The following DIXDC1 variants were observed in gnomAD, a reference collection of about 807,000 sequenced individuals.
DIXDC1 encodes DIX domain containing 1.
Under a neutral mutation model 103.1 loss-of-function variants are expected in DIXDC1, and 64 were observed. The ratio of observed to expected loss-of-function variants is 0.62; its 90% CI spans 0.51 to 0.76. The LOEUF is 0.76. DIXDC1 is among the 30% of genes least tolerant of loss of function. The probability of loss-of-function intolerance (pLI) is 0.00; values close to 1 mark genes in which losing one functional copy is unlikely to be tolerated. For synonymous variants in DIXDC1, 266 were observed against 298.5 expected (o/e 0.89, Z 1.12); for missense variants, 759 against 834.2 (o/e 0.91, Z 1.11).
intron 14 of DIXDC1, among the ~76,000 whole-genome samples, chr11:111,994,563 A>G (rs782633954): frequency 8.6e-5 from 13 of 151,198 alleles, no homozygotes; most frequent in Non-Finnish European, 1.8e-4. Flanking sequence ...GTATATATGT[A>G]TATGTATGTA....
chr11:112,003,291 T>C (rs1455243569), intron 17 of DIXDC1, among the ~76,000 whole-genome samples: 1 of 151,682 alleles, frequency 6.6e-6, no homozygotes, highest in African/African-American at 2.4e-5. Context: ...ACCTTGTCTC[T>C]ACTAAAAATA....
chr11:111,988,957 G>A (rs2137569501), intron 9 of DIXDC1, 48 bp from the exon 10 acceptor site: 1 of 1,560,164 alleles, frequency 6.4e-7, no homozygotes, highest in Non-Finnish European at 8.7e-7. Flanking sequence ...AATGCATTCT[G>A]AAGCAACCCA....
In DIXDC1 at chr11:111,977,689, T is replaced by A; in HGVS notation, c.656+2706T>A. On this transcript the variant is annotated intron_variant, in intron 5 of 19. Transcript: ENST00000440460. The surrounding 1 kb of genome is among the most constrained non-coding windows in gnomAD (Gnocchi z 6.1). ...CAGCCCCAGCGCGGGGAGACATGCCTGAATTTGGGAGCGATGTGACTCTCA... is the reference window on the plus strand; with the variant it reads ...CAGCCCCAGCGCGGGGAGACATGCCAGAATTTGGGAGCGATGTGACTCTCA... 6.5e-7 allele frequency: 1 copy of A among 1,545,496 alleles called. No homozygotes were observed. Among genetic ancestry groups the A allele is most frequent in the Admixed American group, 2.0e-5 (1 of 50,780 alleles).
chr11:111,977,584 C>G lies in DIXDC1; in HGVS notation c.656+2601C>G, dbSNP rs1204031274. On this transcript the variant is annotated intron_variant, in intron 5 of 19. Coordinates refer to ENST00000440460, the MANE Select transcript of DIXDC1 (RefSeq NM_001037954.4). This position sits in a 1 kb window ranked among gnomAD's most constrained non-coding sequence, Gnocchi z 6.1. ...ATCCCAGTCGCTGGGGCCGAGACGC[C>G]GCCGCCGCCGCCGTTCCCGCTTTCT... 6.7e-7 allele frequency: 1 copy of G among 1,500,722 alleles called. No individual in the cohort carries two copies. The highest frequency in any genetic ancestry group is 8.9e-7 in the Non-Finnish European group (1 of 1,124,010). The allele number at this position is 1,500,722 out of a possible 1,614,324, so 93.0% of individuals were successfully genotyped here.
intron 19 of DIXDC1, among the ~76,000 whole-genome samples, chr11:112,018,480 A>G (rs587638301): frequency 6.6e-6 from 1 of 152,374 alleles, no homozygotes; most frequent in Admixed American, 6.5e-5. Flanking sequence ...TTTATTTTGT[A>G]AACATTTCCT....
chr11:111,953,868 T>A (rs1966860256), intron 1 of DIXDC1, among the ~76,000 whole-genome samples: 1 of 152,180 alleles, frequency 6.6e-6, no homozygotes, highest in South Asian at 2.1e-4. Flanking sequence ...GCGTTCTGTA[T>A]CCATGGCTTC....
At chr11:111,928,194 G>C (rs1555167261) in intron 1 of DIXDC1, among the ~76,000 whole-genome samples, 1 of 151,856 alleles carries the variant, frequency 6.6e-6, no homozygotes, top group Non-Finnish European at 1.5e-5. Context: ...AGAAAAGGTG[G>C]GTTGGAGGAC....
Position 111,968,630 on chromosome 11 carries a change from C to T in DIXDC1, c.308C>T (p.Ser103Leu), listed in dbSNP as rs782795876. ...ASKKIRMHQTSAKDIVDGNLK... is the reference protein window; with the variant it reads ...ASKKIRMHQTLAKDIVDGNLK... ...AAAAAGATTCGTATGCACCAGACTT[C>T]GGCTAAAGGTCAGTGCCTCATCACA... is the stretch of plus-strand genomic sequence containing the variant. Residue 103 changes from serine (S) to leucine (L), a missense_variant, in exon 3 of 20, where the codon TCG (serine) becomes TTG (leucine). Ser to Leu is a moderately radical substitution (Grantham distance 145). Coordinates refer to ENST00000440460, the MANE Select transcript of DIXDC1 (RefSeq NM_001037954.4). The T allele has an allele frequency of 1.1e-5, 17 of 1,607,976 alleles. No individual in the cohort carries two copies. The highest frequency in any genetic ancestry group is 5.3e-5 in the African/African-American group (4 of 74,942).
At chr11:111,989,835 C>G (rs1437216898) in intron 10 of DIXDC1, among the ~76,000 whole-genome samples, 1 of 150,268 alleles carries the variant, frequency 6.7e-6, no homozygotes, top group Non-Finnish European at 1.5e-5. Flanking sequence ...GTTGCCCAGG[C>G]TGGAGTGCAG....
At chr11:111,980,707 T>C in intron 5 of DIXDC1, 30 bp from the exon 6 acceptor site, 1 of 1,566,316 alleles carries the variant, frequency 6.4e-7, no homozygotes, top group Non-Finnish European at 8.8e-7. Flanking sequence ...TTCATAATAA[T>C]CGTTTTTCTT....
At chr11:111,973,410 T>C (rs1860000219) in intron 3 of DIXDC1, among the ~76,000 whole-genome samples, 1 of 152,140 alleles carries the variant, frequency 6.6e-6, no homozygotes. Flanking sequence ...TAATAATATT[T>C]CATTTAACTC....
At chr11:112,007,578 A>G (rs1163074017) in intron 17 of DIXDC1, among the ~76,000 whole-genome samples, 1 of 152,256 alleles carries the variant, frequency 6.6e-6, no homozygotes, top group South Asian at 2.1e-4. Flanking sequence ...TTACCCACAA[A>G]GGGAAACCCA....
At chr11:111,999,786 A>G (rs1436876423) in intron 17 of DIXDC1, among the ~76,000 whole-genome samples, 2 of 151,926 alleles carry the variant, frequency 1.3e-5, no homozygotes, top group African/African-American at 4.8e-5. Flanking sequence ...AATCACTTGA[A>G]ACCGGGAGGC....
chr11:112,018,961 C>T lies in DIXDC1; in HGVS notation c.1977C>T (p.Phe659=). 1.2e-6 allele frequency: 2 copies of T among 1,603,856 alleles called. No homozygotes were observed. Among genetic ancestry groups the T allele is most frequent in the African/African-American group, 1.3e-5 (1 of 74,742 alleles). Residue 659 remains phenylalanine, a synonymous_variant, in exon 20 of 20, where the codon TTC becomes TTT. Coordinates refer to ENST00000440460, the MANE Select transcript of DIXDC1 (RefSeq NM_001037954.4). ...CTTTTTGTTTTTTTCTCTAGATTTT[C>T]CATGATGATGATGCCATCCCTGGAT... is the stretch of plus-strand genomic sequence containing the variant. ...PEFGTVKEEI[F]HDDDAIPGWE...
At chr11:111,949,580 T>C (rs1215373361) in intron 1 of DIXDC1, among the ~76,000 whole-genome samples, 1 of 152,228 alleles carries the variant, frequency 6.6e-6, no homozygotes, top group East Asian at 1.9e-4. Flanking sequence ...TGCTGTTCTT[T>C]CTATTCCAAG....
At chr11:112,000,819 A>C (rs1555175905) in intron 17 of DIXDC1, among the ~76,000 whole-genome samples, 1 of 152,196 alleles carries the variant, frequency 6.6e-6, no homozygotes, top group African/African-American at 2.4e-5. Context: ...TCAAAAATGG[A>C]GAATAATAAG....
chr11:111,946,867 C>T, intron 1 of DIXDC1: 4 of 364,866 alleles, frequency 1.1e-5, no homozygotes, highest in South Asian at 9.2e-5. Context: ...GAAAAGCCTA[C>T]AATGGTATGC....
At chr11:111,941,367 G>C (rs1382956459) in intron 1 of DIXDC1, among the ~76,000 whole-genome samples, 1 of 152,140 alleles carries the variant, frequency 6.6e-6, no homozygotes, top group Non-Finnish European at 1.5e-5. Context: ...TGGGGGAATG[G>C]TTTATGAAAA....
At chr11:111,997,580 CCTTTT>C (rs1366793805) in intron 17 of DIXDC1, among the ~76,000 whole-genome samples, 15 of 152,246 alleles carry the variant, frequency 9.9e-5, no homozygotes, top group Middle Eastern at 6.8e-3. Context: ...GTTTCAGTTT[CCTTTT>C]CTAGCAGTGT....
Sources: allele counts gnomAD v4.1 joint callset (sites outside exome capture counted in the v4.1 genomes callset), GRCh38; gene constraint gnomAD v4.1.1; non-coding constraint Gnocchi (gnomAD v3.1); transcripts MANE v1.5; gene names NCBI Gene and HGNC (gene_info 2026-07-23, HGNC 2026-07-21).